The following MAGI1 variants were observed in gnomAD, a reference collection of about 807,000 sequenced individuals.
The protein encoded by MAGI1 is membrane associated guanylate kinase, WW and PDZ domain containing 1.
A neutral mutation model predicts 139.9 loss-of-function variants in MAGI1; 58 were observed. The ratio of observed to expected loss-of-function variants is 0.41; its 90% confidence interval spans 0.34 to 0.52. MAGI1 has a LOEUF of 0.52. MAGI1 is among the 20% of genes least tolerant of loss of function. The pLI, the probability that MAGI1 is intolerant of heterozygous loss-of-function variation, is 0.12. For missense variants in MAGI1, 1,874 were observed against 1,901.6 expected (o/e 0.99, Z 0.27); for synonymous variants, 812 against 737.9 (o/e 1.10, Z -1.63).
intron 4 of MAGI1, among the ~76,000 whole-genome samples, chr3:65,476,688 A>C (rs760151564): frequency 2.0e-5 from 3 of 152,180 alleles, no homozygotes; most frequent in Non-Finnish European, 2.9e-5. Context: ...CACTACCCCC[A>C]AAGTCTTCTG....
At chr3:65,626,042 A>T (rs2083952456) in intron 1 of MAGI1, among the ~76,000 whole-genome samples, 1 of 152,212 alleles carries the variant, frequency 6.6e-6, no homozygotes, top group African/African-American at 2.4e-5. Flanking sequence ...GAGTAAAAAA[A>T]TAATGTTTAC....
intron 2 of MAGI1, among the ~76,000 whole-genome samples, chr3:65,499,648 T>C (rs1188699142): frequency 6.6e-6 from 1 of 152,162 alleles, no homozygotes; most frequent in Non-Finnish European, 1.5e-5. Flanking sequence ...TGGTTAAATC[T>C]ACATGCAGTT....
chr3:65,624,923 T>C (rs970898094), intron 1 of MAGI1, among the ~76,000 whole-genome samples: 4 of 152,186 alleles, frequency 2.6e-5, no homozygotes, highest in African/African-American at 7.2e-5. Context: ...CCCAGGCTTG[T>C]GTGCAGTGGC....
In MAGI1 at chr3:66,022,669, G is replaced by A. The variant is rs185931050; in HGVS notation, c.313+15327C>T. Among the ~76,000 whole-genome samples the A allele has an allele frequency of 2.8e-4, 42 of 152,192 alleles. 1 individual carries two copies. The East Asian group carries it at 6.0e-3, about 22-fold the overall frequency. On this transcript the variant is annotated intron_variant, in intron 1 of 22. Transcript: ENST00000402939. ...AGTCCCAAATTAACCCATAGCTTTT[G>A]GACACGTGTCAGCCATTCGAACATG...
intron 22 of MAGI1, chr3:65,359,189 A>T: frequency 6.2e-7 from 1 of 1,608,984 alleles, no homozygotes. Context: ...GAACAGTCAG[A>T]GAGAAGGAGA....
chr3:65,471,623 C>T (rs1950564818), intron 4 of MAGI1, among the ~76,000 whole-genome samples: 1 of 152,178 alleles, frequency 6.6e-6, no homozygotes, highest in Non-Finnish European at 1.5e-5. Context: ...GCTAGCACCA[C>T]TCAGGTATCC....
chr3:65,828,442 C>A (rs1200685776), intron 1 of MAGI1, among the ~76,000 whole-genome samples: 1 of 152,190 alleles, frequency 6.6e-6, no homozygotes, highest in Non-Finnish European at 1.5e-5. Flanking sequence ...GTATATCTCA[C>A]ATCTATGTAT....
chr3:65,762,777 A>G (rs2037142839), intron 1 of MAGI1, among the ~76,000 whole-genome samples: 1 of 152,144 alleles, frequency 6.6e-6, no homozygotes, highest in South Asian at 2.1e-4. Flanking sequence ...ACAGATGAGG[A>G]AACTGAGGTC....
At chr3:65,901,594 C>G (rs893251655) in intron 1 of MAGI1, among the ~76,000 whole-genome samples, 2 of 152,182 alleles carry the variant, frequency 1.3e-5, no homozygotes, top group Admixed American at 1.3e-4. Context: ...TAAAGAACTG[C>G]AACGGCAAGG....
chr3:65,505,841 A>G (rs2077263971), intron 2 of MAGI1, among the ~76,000 whole-genome samples: 1 of 152,090 alleles, frequency 6.6e-6, no homozygotes, highest in Non-Finnish European at 1.5e-5. Flanking sequence ...AAGTTGTTAA[A>G]AAAACTCTTA....
intron 1 of MAGI1, among the ~76,000 whole-genome samples, chr3:65,644,509 A>G (rs2085154328): frequency 1.3e-5 from 2 of 151,964 alleles, no homozygotes; most frequent in South Asian, 4.2e-4. Context: ...TACAGTAAGC[A>G]GTGATCGTAC....
intron 12 of MAGI1, 118 bp from the exon 13 acceptor site, chr3:65,401,588 A>C (rs1041567732): frequency 6.4e-7 from 1 of 1,552,932 alleles, no homozygotes; most frequent in Non-Finnish European, 8.7e-7. Flanking sequence ...CTGCAGAGTT[A>C]TGTCAGATTT....
In MAGI1 at chr3:65,637,889, G is replaced by T. The variant is rs1046197753; in HGVS notation, c.314-15801C>A. ...TATTTATATATTTATCTTGTTTATT[G>T]TCTGTCATCCCCACCCCCCAAACCA... On this transcript the variant is annotated intron_variant, in intron 1 of 22. Coordinates refer to ENST00000402939, the MANE Select transcript of MAGI1 (RefSeq NM_001033057.2). Among the ~76,000 whole-genome samples the T allele has an allele frequency of 3.3e-5, 5 of 152,150 alleles. No individual in the cohort carries two copies. In the South Asian group the frequency reaches 8.3e-4, roughly 25 times the overall value.
intron 9 of MAGI1, among the ~76,000 whole-genome samples, chr3:65,438,353 A>G (rs1474657677): frequency 6.6e-6 from 1 of 152,204 alleles, no homozygotes; most frequent in Non-Finnish European, 1.5e-5. Flanking sequence ...GAAGTGTGGA[A>G]TAACAGACCA....
At chr3:65,692,955 A>T (rs767965372) in intron 1 of MAGI1, among the ~76,000 whole-genome samples, 1 of 152,138 alleles carries the variant, frequency 6.6e-6, no homozygotes, top group Non-Finnish European at 1.5e-5. Context: ...CAGAGCAGAC[A>T]GGGTCTTGCT....
intron 2 of MAGI1, among the ~76,000 whole-genome samples, chr3:65,572,350 A>C (rs2080997395): frequency 6.6e-6 from 1 of 152,172 alleles, no homozygotes; most frequent in South Asian, 2.1e-4. Context: ...CAGTAAATGT[A>C]AACACCAGGA....
chr3:65,695,429 C>T (rs1405471883), intron 1 of MAGI1, among the ~76,000 whole-genome samples: 2 of 152,178 alleles, frequency 1.3e-5, no homozygotes, highest in African/African-American at 2.4e-5. Flanking sequence ...GGATATCCTC[C>T]GCTTCAGTCC....
At chr3:66,020,837 TG>T (rs1232258586) in intron 1 of MAGI1, among the ~76,000 whole-genome samples, 1 of 152,186 alleles carries the variant, frequency 6.6e-6, no homozygotes. Context: ...TTACAGGTGC[TG>T]GAGACAGAGC....
intron 2 of MAGI1, among the ~76,000 whole-genome samples, chr3:65,608,451 C>CA (rs1210626027): frequency 7.3e-5 from 11 of 151,352 alleles, no homozygotes; most frequent in South Asian, 2.1e-4. Flanking sequence ...AAAACAAAAA[C>CA]AAAAAACGGA....
Sources: gnomAD v4.1 joint callset for allele counts (sites outside exome capture counted in the v4.1 genomes callset) on GRCh38, gnomAD v4.1.1 for gene constraint, MANE v1.5 for transcripts, NCBI Gene and HGNC (gene_info 2026-07-23, HGNC 2026-07-21) for gene names.